The following EBF2 variants were observed in gnomAD, a reference collection of about 807,000 sequenced individuals.
EBF2 encodes the protein transcription factor COE2.
A neutral mutation model predicts 72.8 loss-of-function variants in EBF2; 21 were observed. That is an observed-to-expected ratio of 0.29 (90% CI 0.20 to 0.42). EBF2 has a LOEUF of 0.42. Ranked by LOEUF, EBF2 falls within the 10% of genes least tolerant of loss-of-function variation. The pLI is 1.00. For synonymous variants in EBF2, 299 were observed against 274.2 expected, an observed-to-expected ratio of 1.09 and a Z score of -0.89; for missense variants, 637 against 731.2, an observed-to-expected ratio of 0.87 and a Z score of 1.49.
intron 6 of EBF2, among the ~76,000 whole-genome samples, chr8:25,969,219 T>A (rs898373062): frequency 8.5e-5 from 13 of 152,168 alleles, no homozygotes; most frequent in African/African-American, 3.1e-4. Flanking sequence ...ACAAACTCCA[T>A]CAATGAGAGT....
At chr8:25,978,334 A>G (rs1238791621) in intron 6 of EBF2, among the ~76,000 whole-genome samples, 1 of 152,240 alleles carries the variant, frequency 6.6e-6, no homozygotes, top group African/African-American at 2.4e-5. Flanking sequence ...GGTGGTGGGC[A>G]GATTTTCTTT....
chr8:25,985,214 AC>A (rs1323336155), intron 6 of EBF2, among the ~76,000 whole-genome samples: 2 of 152,164 alleles, frequency 1.3e-5, no homozygotes, highest in African/African-American at 4.8e-5. Flanking sequence ...CTCTGCCAAC[AC>A]CAAGTGTAAG....
chr8:25,947,413 G>A (rs890186658), intron 6 of EBF2, among the ~76,000 whole-genome samples: 11 of 152,106 alleles, frequency 7.2e-5, no homozygotes, highest in African/African-American at 2.4e-4. Context: ...TACAAATTAC[G>A]CAGTCTCAGG....
intron 7 of EBF2, among the ~76,000 whole-genome samples, chr8:25,894,890 C>T (rs771088914): frequency 1.3e-5 from 2 of 152,254 alleles, no homozygotes; most frequent in East Asian, 1.9e-4. Flanking sequence ...AACTGAAAAT[C>T]GCCAGCATTA....
intron 3 of EBF2, 92 bp downstream of exon 3, chr8:26,040,847 C>A: frequency 5.1e-6 from 8 of 1,564,764 alleles, no homozygotes; most frequent in Non-Finnish European, 6.1e-6. Context: ...GGGCTCCATG[C>A]GATCCCTGAG....
At chr8:25,912,498 A>ACACAC (rs60144558) in intron 6 of EBF2, among the ~76,000 whole-genome samples, 1 of 134,204 alleles carries the variant, frequency 7.5e-6, no homozygotes, top group African/African-American at 2.8e-5. Flanking sequence ...ACACACACAC[A>ACACAC]ACAGGAAGAA....
intron 10 of EBF2, among the ~76,000 whole-genome samples, chr8:25,882,031 A>G (rs764620556): frequency 1.3e-5 from 2 of 152,188 alleles, no homozygotes; most frequent in Non-Finnish European, 2.9e-5. Flanking sequence ...CTGGTACACC[A>G]AAGCAAGAAC....
chr8:25,978,282 C>A (rs1315308770), intron 6 of EBF2, among the ~76,000 whole-genome samples: 4 of 78,724 alleles, frequency 5.1e-5, no homozygotes, highest in Non-Finnish European at 1.2e-4. Context: ...TTGGGGGTAA[C>A]GTGGCCGCGC....
intron 6 of EBF2, among the ~76,000 whole-genome samples, chr8:26,023,233 C>A (rs575730460): frequency 6.6e-6 from 1 of 152,314 alleles, no homozygotes; most frequent in South Asian, 2.1e-4. Flanking sequence ...TTCCCAGGCT[C>A]CACGACCTTT....
At chr8:26,000,575 T>C (rs1336667213) in intron 6 of EBF2, among the ~76,000 whole-genome samples, 1 of 152,144 alleles carries the variant, frequency 6.6e-6, no homozygotes, top group East Asian at 1.9e-4. Flanking sequence ...TAACCCCTAA[T>C]AAATGGAATT....
chr8:25,872,312 G>A (rs945646854), intron 10 of EBF2, among the ~76,000 whole-genome samples: 2 of 152,270 alleles, frequency 1.3e-5, no homozygotes, highest in African/African-American at 4.8e-5. Context: ...ATGATGATGA[G>A]TGAGGCAAGA....
intron 6 of EBF2, among the ~76,000 whole-genome samples, chr8:25,966,994 A>G (rs1023262331): frequency 6.6e-6 from 1 of 152,358 alleles, no homozygotes. Context: ...AATGCATAGA[A>G]GTAACCCTGG....
chr8:26,017,154 T>TAAAAA (rs760786092), intron 6 of EBF2, among the ~76,000 whole-genome samples: 10 of 139,430 alleles, frequency 7.2e-5, no homozygotes, highest in African/African-American at 2.6e-4. Flanking sequence ...TCCCCTTATT[T>TAAAAA]AAAAAAAAAA....
At chr8:25,872,381 G>A (rs535784078) in intron 10 of EBF2, among the ~76,000 whole-genome samples, 51 of 152,218 alleles carry the variant, frequency 3.4e-4, no homozygotes, top group African/African-American at 1.1e-3. Context: ...TGCTGGCCTC[G>A]GTTGCAGCTT....
intron 7 of EBF2, among the ~76,000 whole-genome samples, chr8:25,890,239 C>T (rs1243977191): frequency 3.9e-5 from 6 of 152,200 alleles, no homozygotes; most frequent in Non-Finnish European, 5.9e-5. Flanking sequence ...GAGATCTATA[C>T]GCCAGCTGGA....
intron 6 of EBF2, among the ~76,000 whole-genome samples, chr8:25,991,549 C>T (rs1804545396): frequency 6.6e-6 from 1 of 152,106 alleles, no homozygotes; most frequent in Non-Finnish European, 1.5e-5. Context: ...GAAATGGGGG[C>T]AGAAAATAGA....
chr8:26,042,831 AAC>A (rs1249983639), intron 1 of EBF2, among the ~76,000 whole-genome samples: 1 of 152,152 alleles, frequency 6.6e-6, no homozygotes, highest in Admixed American at 6.5e-5. Flanking sequence ...GCGGGAGAGT[AAC>A]ACAGAGTCCA....
At chr8:25,862,294 TCTC>T (rs1802225225) in intron 11 of EBF2, among the ~76,000 whole-genome samples, 1 of 152,312 alleles carries the variant, frequency 6.6e-6, no homozygotes, top group African/African-American at 2.4e-5. Context: ...GAAGCATTTT[TCTC>T]CTCATTAGAT....
At chr8:25,982,602 T>C (rs1163862999) in intron 6 of EBF2, among the ~76,000 whole-genome samples, 3 of 152,288 alleles carry the variant, frequency 2.0e-5, no homozygotes, top group Non-Finnish European at 4.4e-5. Context: ...TGTATGCAGA[T>C]TTCATTGATC....
Sources: allele counts gnomAD v4.1 joint callset (sites outside exome capture counted in the v4.1 genomes callset), GRCh38; gene constraint gnomAD v4.1.1; transcripts MANE v1.5; gene names NCBI Gene and HGNC (gene_info 2026-07-23, HGNC 2026-07-21).